PADI1: variants seen among roughly 807,000 people sequenced by gnomAD.
The protein encoded by PADI1 is peptidyl arginine deiminase 1, also known as protein-arginine deiminase type-1.
PADI1 carries 65 observed loss-of-function variants against 74.8 expected under a neutral mutation model. The observed-to-expected ratio is 0.87, with a 90% CI of 0.71 to 1.07. The LOEUF is 1.07. Ranked by LOEUF, PADI1 falls within the 50% of genes least tolerant of loss-of-function variation. The probability of loss-of-function intolerance (pLI) is 0.00; values close to 1 mark genes in which losing one functional copy is unlikely to be tolerated. For missense variants in PADI1, 943 were observed against 854.0 expected (o/e 1.10, Z -1.30); for synonymous variants, 371 against 336.2 (o/e 1.10, Z -1.13).
chr1:17,217,964 A>C (rs1038693628), intron 1 of PADI1, among the ~76,000 whole-genome samples: 1 of 152,276 alleles, frequency 6.6e-6, no homozygotes, highest in African/African-American at 2.4e-5. Context: ...TGATTCAGCA[A>C]AGAGGTTGCT....
At position 17,244,395 on chromosome 1, in the gene PADI1, G is replaced by A. The variant is rs564664336; in HGVS notation, c.*152G>A. The A allele has an allele frequency of 4.7e-5, 33 of 708,534 alleles. No homozygotes were observed. The highest frequency in any genetic ancestry group is 8.2e-5 in the Non-Finnish European group (32 of 389,170). 43.9% of individuals were successfully genotyped at this position (708,534 alleles called of 1,614,324 possible). On this transcript the variant is annotated 3_prime_UTR_variant, in exon 16 of 16. Transcript: ENST00000375471. ...CCATGGGCACCAGGACACAGGGATG[G>A]ATACCACCTACCCTCGCCTCTGGAA...
rs1452693368 is a variant in PADI1, at chr1:17,228,481, G to A, written c.653-144G>A. On this transcript the variant is annotated intron_variant, in intron 6 of 15. Coordinates refer to ENST00000375471, the MANE Select transcript of PADI1 (RefSeq NM_013358.3). ...AGGCTTAGAGAGGTTGAGTCATTGA[G>A]CTAAGGCCATGCAGCTTGCACGTGG... is the stretch of plus-strand genomic sequence containing the variant. The A allele has an allele frequency of 1.4e-5, 11 of 763,970 alleles. No individual in the cohort carries two copies. The South Asian group carries it at 1.4e-4, about 10-fold the overall frequency. 47.3% of individuals were successfully genotyped at this position (763,970 alleles called of 1,614,324 possible).
At chr1:17,239,975 C>A (rs865990860) in intron 14 of PADI1, 192 bp downstream of exon 14, 2 of 577,536 alleles carry the variant, frequency 3.5e-6, no homozygotes, top group Middle Eastern at 4.7e-4. Flanking sequence ...GAGCCATGCC[C>A]TCAGAGAGCT....
rs2072701885 is a variant in PADI1 at position 17,238,499 on chromosome 1, C to A, written c.1459-117C>A. On this transcript the variant is annotated intron_variant, in intron 12 of 15. Coordinates refer to ENST00000375471, the MANE Select transcript of PADI1 (RefSeq NM_013358.3). ...CAGTGCTTTGTGGCTGGGGTGTAGA[C>A]CGAGTGGGAGAGGGGAGTCCCAAGA... The A allele has an allele frequency of 9.0e-6, 4 of 442,892 alleles. No individual in the cohort carries two copies. The Admixed American group carries it at 1.3e-4, about 14-fold the overall frequency. 27.4% of individuals were successfully genotyped at this position (442,892 alleles called of 1,614,324 possible). A position where few individuals can be genotyped will look rare whatever the true frequency, so the allele number is the denominator to read the frequency against.
At chr1:17,230,488 C>T in intron 9 of PADI1, 84 bp from the exon 10 acceptor site, 1 of 962,434 alleles carries the variant, frequency 1.0e-6, no homozygotes, top group Non-Finnish European at 1.6e-6. Flanking sequence ...CTGCCCTGCC[C>T]TGCCCCAGGC....
intron 4 of PADI1, 128 bp from the exon 5 acceptor site, chr1:17,225,683 A>G (rs1433735501): frequency 1.4e-6 from 1 of 711,670 alleles, no homozygotes; most frequent in African/African-American, 1.8e-5. Flanking sequence ...TCCTTTTTAA[A>G]ATCTTTAAGC....
chr1:17,213,083 T>C (rs2071876276), intron 1 of PADI1, among the ~76,000 whole-genome samples: 1 of 152,256 alleles, frequency 6.6e-6, no homozygotes, highest in African/African-American at 2.4e-5. Flanking sequence ...GCACTCATTT[T>C]AATACCAGCC....
chr1:17,227,576 A>T (rs988792722), intron 6 of PADI1, among the ~76,000 whole-genome samples: 1 of 140,226 alleles, frequency 7.1e-6, no homozygotes, highest in African/African-American at 2.5e-5. Context: ...TAAATAAATA[A>T]ATAAATTACC....
intron 8 of PADI1, 105 bp downstream of exon 8, chr1:17,229,156 G>C: frequency 1.3e-6 from 1 of 753,014 alleles, no homozygotes; most frequent in Non-Finnish European, 2.2e-6. Flanking sequence ...GATTCATTGC[G>C]GGCACCCATT....
intron 1 of PADI1, among the ~76,000 whole-genome samples, chr1:17,209,358 C>A (rs1280962478): frequency 6.6e-6 from 1 of 152,184 alleles, no homozygotes; most frequent in African/African-American, 2.4e-5. Flanking sequence ...TTCAGGGTCC[C>A]TGGAGAATAT....
intron 3 of PADI1, among the ~76,000 whole-genome samples, chr1:17,223,965 C>T (rs901207530): frequency 4.6e-5 from 7 of 152,240 alleles, no homozygotes; most frequent in African/African-American, 1.7e-4. Flanking sequence ...CCCACGTATA[C>T]CCTCATTAGA....
intron 11 of PADI1, among the ~76,000 whole-genome samples, chr1:17,236,615 G>A (rs942810328): frequency 2.0e-5 from 3 of 152,106 alleles, no homozygotes; most frequent in Admixed American, 2.0e-4. Context: ...TTAGCCGTGC[G>A]TGGTGGCACA....
chr1:17,240,600 C>T (rs1472533902), intron 14 of PADI1, 35 bp from the exon 15 acceptor site: 1 of 1,436,426 alleles, frequency 7.0e-7, no homozygotes, highest in Non-Finnish European at 9.6e-7. Context: ...TATGCTCTTC[C>T]TAGTCCTGGG....
intron 1 of PADI1, among the ~76,000 whole-genome samples, chr1:17,216,491 G>A (rs1021710729): frequency 6.6e-6 from 1 of 152,286 alleles, no homozygotes; most frequent in African/African-American, 2.4e-5. Context: ...GACTTGCGGT[G>A]GGTTGGGCAG....
intron 6 of PADI1, 146 bp from the exon 7 acceptor site, chr1:17,228,479 G>T: frequency 1.3e-6 from 1 of 744,120 alleles, no homozygotes. Flanking sequence ...TTGAGTCATT[G>T]AGCTAAGGCC....
At chr1:17,221,634 C>T (rs971998784) in intron 1 of PADI1, among the ~76,000 whole-genome samples, 1 of 152,018 alleles carries the variant, frequency 6.6e-6, no homozygotes, top group Admixed American at 6.6e-5. Flanking sequence ...GGGAAGGAGA[C>T]TTGTGGACAT....
At chr1:17,223,896 A>C (rs2072235874) in intron 3 of PADI1, among the ~76,000 whole-genome samples, 1 of 152,212 alleles carries the variant, frequency 6.6e-6, no homozygotes. Context: ...AAGGATCTAG[A>C]AACTTCACTG....
intron 11 of PADI1, among the ~76,000 whole-genome samples, chr1:17,233,636 C>T (rs922355204): frequency 6.6e-6 from 1 of 152,264 alleles, no homozygotes; most frequent in African/African-American, 2.4e-5. Context: ...GTTCAGGGTC[C>T]TGGTGGGTCC....
chr1:17,232,793 T>TG (rs762425322), intron 10 of PADI1, 26 bp from the exon 11 acceptor site: 9 of 1,596,634 alleles, frequency 5.6e-6, no homozygotes, highest in Non-Finnish European at 7.7e-6. Flanking sequence ...CTTCTTGGGG[T>TG]GGGGGTCTCG....
Sources: allele counts gnomAD v4.1 joint callset (sites outside exome capture counted in the v4.1 genomes callset), GRCh38; gene constraint gnomAD v4.1.1; transcripts MANE v1.5; gene names NCBI Gene and HGNC (gene_info 2026-07-23, HGNC 2026-07-21).